ZBTB20: variants seen among roughly 807,000 people sequenced by gnomAD.
The protein encoded by ZBTB20 is zinc finger and BTB domain containing 20.
Under a neutral mutation model 56.9 loss-of-function variants are expected in ZBTB20, and 9 were observed. That is an observed-to-expected ratio of 0.16 (90% confidence interval 0.10 to 0.28). The LOEUF (loss-of-function observed/expected upper bound fraction) is 0.28. Among genes scored for constraint, ZBTB20 ranks in the 10% least tolerant of loss-of-function variants. ZBTB20 has a pLI of 1.00. For missense variants in ZBTB20, 655 were observed against 1,003.0 expected (o/e 0.65, Z 4.69); for synonymous variants, 417 against 420.7 (o/e 0.99, Z 0.11).
At chr3:114,691,937 T>C (rs1410565474) in intron 6 of ZBTB20, among the ~76,000 whole-genome samples, 2 of 152,196 alleles carry the variant, frequency 1.3e-5, no homozygotes, top group Non-Finnish European at 2.9e-5. Context: ...AAGGAGCTTT[T>C]CATTTACTGA....
rs181959469 is a variant in ZBTB20 at position 114,646,426 on chromosome 3, C to A, written c.-295+47102G>T. ...AAACTCCTTCTTCCAAGAGAAAACT[C>A]CATTAGGAAAAATGGAGCAGCAGTG... On this transcript the variant is annotated intron_variant, in intron 6 of 11. Coordinates refer to ENST00000675478, the MANE Select transcript of ZBTB20 (RefSeq NM_001348800.3). 3.9e-5 allele frequency among the ~76,000 whole-genome samples: 6 copies of A among 152,174 alleles called. No homozygotes were observed. The East Asian group carries it at 1.2e-3, about 29-fold the overall frequency.
At chr3:114,375,071 T>C (rs2108482838) in intron 10 of ZBTB20, among the ~76,000 whole-genome samples, 1 of 152,312 alleles carries the variant, frequency 6.6e-6, no homozygotes, top group East Asian at 1.9e-4. Context: ...AGTATTTTTC[T>C]TAAAGGTTAA....
Position 114,753,417 on chromosome 3 carries a change from A to ATATATATATATACACACACG in ZBTB20, c.-343+47683_-343+47684insCGTGTGTGTATATATATATA, listed in dbSNP as rs1383548206. Among the ~76,000 whole-genome samples the ATATATATATATACACACACG allele has an allele frequency of 6.0e-4, 83 of 137,390 alleles. 1 individual carries two copies. The highest frequency in any genetic ancestry group is 2.2e-3 in the African/African-American group (77 of 35,530). 90.1% of individuals were successfully genotyped at this position (137,390 alleles called of 152,430 possible). A position where few individuals can be genotyped will look rare whatever the true frequency, so the allele number is the denominator to read the frequency against. ...TATGTATATATATACACACACGTAT[A>ATATATATATATACACACACG]TATATATATATATATACACACACAC... is the stretch of plus-strand genomic sequence containing the variant. On this transcript the variant is annotated intron_variant, in intron 5 of 11. Transcript: ENST00000675478.
chr3:114,444,029 GA>G (rs2091102469), intron 7 of ZBTB20, among the ~76,000 whole-genome samples: 1 of 152,126 alleles, frequency 6.6e-6, no homozygotes, highest in Non-Finnish European at 1.5e-5. Context: ...TTCTATTTGG[GA>G]ATACTAGGAG....
At chr3:115,104,181 C>T (rs192615730) in intron 1 of ZBTB20, among the ~76,000 whole-genome samples, 328 of 152,280 alleles carry the variant, frequency 2.2e-3, no homozygotes, top group Non-Finnish European at 3.7e-3. Flanking sequence ...ATGGCCCAAA[C>T]TCACAGCACT....
intron 6 of ZBTB20, among the ~76,000 whole-genome samples, chr3:114,508,229 A>C (rs1342848825): frequency 6.6e-6 from 1 of 152,164 alleles, no homozygotes; most frequent in African/African-American, 2.4e-5. Flanking sequence ...ATGATTAAGA[A>C]TGTAAATCTA....
chr3:115,043,792 C>T (rs1005858874), intron 2 of ZBTB20, among the ~76,000 whole-genome samples: 4 of 151,932 alleles, frequency 2.6e-5, no homozygotes, highest in Non-Finnish European at 2.9e-5. Flanking sequence ...AATTTATTGT[C>T]TATTATGGTT....
intron 6 of ZBTB20, among the ~76,000 whole-genome samples, chr3:114,630,253 A>G (rs1204939248): frequency 6.6e-6 from 1 of 152,236 alleles, no homozygotes; most frequent in Non-Finnish European, 1.5e-5. Context: ...AGATCTAGAC[A>G]TTGTAGGACT....
intron 6 of ZBTB20, among the ~76,000 whole-genome samples, chr3:114,535,713 C>A (rs2048385471): frequency 1.3e-5 from 2 of 152,296 alleles, no homozygotes; most frequent in Admixed American, 6.5e-5. Flanking sequence ...AGGCCAATAT[C>A]CCTGATGAAC....
At chr3:115,063,599 C>T (rs893698711) in intron 2 of ZBTB20, among the ~76,000 whole-genome samples, 3 of 151,796 alleles carry the variant, frequency 2.0e-5, no homozygotes, top group African/African-American at 7.3e-5. Context: ...CAGCTCATAG[C>T]ATTTAGAAAT....
At chr3:114,783,622 C>T (rs183372109) in intron 5 of ZBTB20, among the ~76,000 whole-genome samples, 11 of 151,846 alleles carry the variant, frequency 7.2e-5, no homozygotes, top group Admixed American at 5.2e-4. Flanking sequence ...GGTGAAACCC[C>T]GTATCTACTA....
At chr3:114,483,058 C>T (rs2041727007) in intron 7 of ZBTB20, among the ~76,000 whole-genome samples, 1 of 152,126 alleles carries the variant, frequency 6.6e-6, no homozygotes, top group Admixed American at 6.6e-5. Context: ...AGTGCAACAA[C>T]CTGTTCACAA....
intron 3 of ZBTB20, among the ~76,000 whole-genome samples, chr3:114,957,635 C>T (rs998626990): frequency 1.3e-5 from 2 of 152,198 alleles, no homozygotes; most frequent in Non-Finnish European, 2.9e-5. Flanking sequence ...GATTTAACAT[C>T]ATATCTTTCC....
At chr3:114,447,597 G>A (rs777582339) in intron 7 of ZBTB20, among the ~76,000 whole-genome samples, 6 of 152,200 alleles carry the variant, frequency 3.9e-5, no homozygotes, top group Admixed American at 6.5e-5. Flanking sequence ...CTTGAAAAGC[G>A]CCAGGAAATC....
chr3:114,714,789 T>A (rs2064347245), intron 5 of ZBTB20, among the ~76,000 whole-genome samples: 2 of 152,226 alleles, frequency 1.3e-5, no homozygotes, highest in African/African-American at 4.8e-5. Context: ...TAATGACATT[T>A]CTTCATTTTG....
intron 6 of ZBTB20, among the ~76,000 whole-genome samples, chr3:114,679,482 C>A (rs2061835930): frequency 6.6e-6 from 1 of 152,082 alleles, no homozygotes; most frequent in Non-Finnish European, 1.5e-5. Flanking sequence ...AAGATATGAA[C>A]AGACACGTCT....
intron 5 of ZBTB20, among the ~76,000 whole-genome samples, chr3:114,800,175 T>G (rs1475553740): frequency 1.3e-5 from 2 of 151,946 alleles, no homozygotes; most frequent in Non-Finnish European, 2.9e-5. Context: ...ATTACCAAAA[T>G]GTACATTTTG....
At chr3:114,703,599 C>T (rs2063526058) in intron 5 of ZBTB20, among the ~76,000 whole-genome samples, 1 of 152,072 alleles carries the variant, frequency 6.6e-6, no homozygotes, top group Non-Finnish European at 1.5e-5. Flanking sequence ...TCACAATACC[C>T]TTCTCACTAA....
chr3:115,010,509 A>G (rs1232259647), intron 2 of ZBTB20, among the ~76,000 whole-genome samples: 1 of 151,978 alleles, frequency 6.6e-6, no homozygotes, highest in Non-Finnish European at 1.5e-5. Flanking sequence ...TCTGCCTGGT[A>G]ATCAAGAGAA....
Sources: gnomAD v4.1 joint callset for allele counts (sites outside exome capture counted in the v4.1 genomes callset) on GRCh38, gnomAD v4.1.1 for gene constraint, MANE v1.5 for transcripts, NCBI Gene and HGNC (gene_info 2026-07-23, HGNC 2026-07-21) for gene names.